SMC4: variants seen among roughly 807,000 people sequenced by gnomAD.
SMC4 encodes the protein structural maintenance of chromosomes 4.
In SMC4, 87 loss-of-function variants were observed where a neutral mutation model predicts 145.6. The ratio of observed to expected loss-of-function variants is 0.60; its 90% CI spans 0.50 to 0.71. SMC4 has a LOEUF of 0.71. SMC4 is among the 30% of genes least tolerant of loss of function. The pLI, the probability that SMC4 is intolerant of heterozygous loss-of-function variation, is 0.00. For missense variants in SMC4, 1,447 were observed against 1,537.1 expected (o/e 0.94, Z 0.98); for synonymous variants, 558 against 500.7 (o/e 1.11, Z -1.53).
chr3:160,408,751 T>C (rs1467493554), intron 5 of SMC4, among the ~76,000 whole-genome samples: 1 of 152,128 alleles, frequency 6.6e-6, no homozygotes, highest in African/African-American at 2.4e-5. Context: ...ACTGTCAATC[T>C]ACAGATTACA....
In SMC4 at chr3:160,404,474, C is replaced by T; in HGVS notation, c.657C>T (p.Asp219=). The change falls in exon 5 of 24, where the codon GAC becomes GAT. Residue 219 remains aspartate (D), a synonymous_variant. Transcript: ENST00000357388. ...VGNLLRSHGI[D]LDHNRFLILQ... ...ATCTTCTTCGAAGCCATGGAATTGA[C>T]TTGGACCATAATAGATTTTTAATTT... 6.2e-7 allele frequency: 1 copy of T among 1,608,094 alleles called. No individual in the cohort carries two copies. Among genetic ancestry groups the T allele is most frequent in the Non-Finnish European group, 8.5e-7 (1 of 1,178,278 alleles).
chr3:160,428,470 T>G (rs1718031363), intron 17 of SMC4, among the ~76,000 whole-genome samples: 1 of 152,198 alleles, frequency 6.6e-6, no homozygotes, highest in African/African-American at 2.4e-5. Context: ...GGAAGTGCCC[T>G]AAGAAAAAGT....
intron 3 of SMC4, among the ~76,000 whole-genome samples, chr3:160,402,453 G>T (rs571642527): frequency 7.9e-5 from 12 of 152,138 alleles, no homozygotes; most frequent in Non-Finnish European, 1.3e-4. Flanking sequence ...TTTCTAAAAC[G>T]TCTGCGTTAG....
chr3:160,426,008 T>A (rs917667247), intron 16 of SMC4, 66 bp from the exon 17 acceptor site: 1 of 1,299,446 alleles, frequency 7.7e-7, no homozygotes, highest in Non-Finnish European at 1.1e-6. Flanking sequence ...GTGCCCTTTT[T>A]AAAAATTCAC....
chr3:160,422,926 T>C (rs558101217), intron 13 of SMC4, among the ~76,000 whole-genome samples: 1 of 152,338 alleles, frequency 6.6e-6, no homozygotes, highest in South Asian at 2.1e-4. Context: ...TTGAATTTTC[T>C]TGGCATCCTT....
chr3:160,428,715 TA>T (rs1353490305), intron 17 of SMC4, 37 bp from the exon 18 acceptor site: 1 of 1,545,308 alleles, frequency 6.5e-7, no homozygotes, highest in African/African-American at 1.4e-5. Context: ...TTCATTAGCA[TA>T]AAAACACAAA....
Position 160,420,756 on chromosome 3 carries a change from T to C in SMC4, c.1874T>C (p.Ile625Thr). The C allele has an allele frequency of 1.2e-6, 2 of 1,613,732 alleles. No homozygotes were observed. Among genetic ancestry groups the C allele is most frequent in the Non-Finnish European group, 1.7e-6 (2 of 1,179,880 alleles). ...IYGRLGDLGA[I>T]DEKYDVAISS... ...CATTATTAGGGGGACTTAGGAGCCA[T>C]TGATGAAAAATACGACGTGGCTATA... is the stretch of plus-strand genomic sequence containing the variant. Residue 625 changes from isoleucine to threonine, a missense_variant, in exon 13 of 24, where the codon ATT becomes ACT. Transcript: ENST00000357388.
chr3:160,431,826 G>A lies in SMC4; in HGVS notation c.3297+1G>A. 1 of 1,610,954 alleles carries A rather than the reference G, an allele frequency of 6.2e-7. No individual in the cohort carries two copies. The highest frequency in any genetic ancestry group is 8.5e-7 in the Non-Finnish European group (1 of 1,179,220). The stretch of plus-strand genomic sequence containing the variant: ...TGCCATCGCAGAGTATAAAAAGAAG[G>A]TATGAATGAACTGTGTATGTATACT... On this transcript the variant is annotated splice_donor_variant, in intron 21 of 23. Coordinates refer to ENST00000357388, the MANE Select transcript of SMC4 (RefSeq NM_001002800.3). LOFTEE classifies it high-confidence loss of function.
Position 160,424,861 on chromosome 3 carries a change from T to G in SMC4, c.2326-6T>G. ...AAATGGCTCTTAGAGAAAACTTTCT[T>G]TGTAGGTAAACAAAATGGAATCACA... is the stretch of plus-strand genomic sequence containing the variant. On this transcript the variant is annotated splice_polypyrimidine_tract_variant and splice_region_variant and intron_variant, in intron 15 of 23. Coordinates refer to ENST00000357388, the MANE Select transcript of SMC4 (RefSeq NM_001002800.3). The G allele has an allele frequency of 6.2e-7, 1 of 1,613,240 alleles. No individual in the cohort carries two copies. Among genetic ancestry groups the G allele is most frequent in the Non-Finnish European group, 8.5e-7 (1 of 1,179,820 alleles).
At position 160,412,043 on chromosome 3, in the gene SMC4, T is replaced by G. The variant is rs753169851; in HGVS notation, c.811T>G (p.Cys271Gly). ...GCTAAATGAACCTATTAAAGTCTTG[T>G]GTCGGAGAGTTGAAATATTAAATGA... ...GRLNEPIKVL[C>G]RRVEILNEHR... is the part of the protein sequence containing the mutation. The change falls in exon 6 of 24, where the codon TGT becomes GGT. Residue 271 changes from cysteine to glycine, a missense_variant. Coordinates refer to ENST00000357388, the MANE Select transcript of SMC4 (RefSeq NM_001002800.3). 5 of 1,613,586 alleles carry G rather than the reference T, an allele frequency of 3.1e-6. No homozygotes were observed. Among genetic ancestry groups the G allele is most frequent in the Non-Finnish European group, 4.2e-6 (5 of 1,179,750 alleles).
chr3:160,404,067 T>G, intron 4 of SMC4: 1 of 372,314 alleles, frequency 2.7e-6, no homozygotes, highest in South Asian at 3.7e-5. Context: ...TAGGCTTGTT[T>G]GGAGGTGGGT....
chr3:160,410,284 A>G (rs1715841762), intron 5 of SMC4, among the ~76,000 whole-genome samples: 1 of 152,208 alleles, frequency 6.6e-6, no homozygotes, highest in Non-Finnish European at 1.5e-5. Context: ...TGCCCAGCAT[A>G]GCTCTCCACA....
At chr3:160,422,664 A>G (rs1383842824) in intron 13 of SMC4, among the ~76,000 whole-genome samples, 3 of 152,062 alleles carry the variant, frequency 2.0e-5, no homozygotes, top group Admixed American at 1.3e-4. Flanking sequence ...TTTGAGGCAC[A>G]ATTTATCTTT....
At chr3:160,432,617 A>C in intron 22 of SMC4, 102 bp downstream of exon 22, 1 of 749,308 alleles carries the variant, frequency 1.3e-6, no homozygotes, top group South Asian at 2.1e-5. Flanking sequence ...AAGATGTACA[A>C]CTTGTTTCAT....
chr3:160,429,286 A>G (rs1718120497), intron 18 of SMC4, among the ~76,000 whole-genome samples: 1 of 152,082 alleles, frequency 6.6e-6, no homozygotes, highest in African/African-American at 2.4e-5. Flanking sequence ...GAATAAGTAA[A>G]AGAGGTAAAA....
Position 160,404,449 on chromosome 3 carries a change from A to G in SMC4, c.632A>G (p.Asn211Ser). 6.2e-7 allele frequency: 1 copy of G among 1,611,222 alleles called. No individual in the cohort carries two copies. The highest frequency in any genetic ancestry group is 8.5e-7 in the Non-Finnish European group (1 of 1,179,100). ...AAAAAGACATTTAAGGATGTTGGAAATCTTCTTCGAAGCCATGGAATTGAC... is the reference window on the plus strand; with the variant it reads ...AAAAAGACATTTAAGGATGTTGGAAGTCTTCTTCGAAGCCATGGAATTGAC... The part of the protein sequence containing the change: ...GKKKTFKDVG[N>S]LLRSHGIDLD... Residue 211 changes from asparagine to serine, a missense_variant, in exon 5 of 24, where the codon AAT becomes AGT. Asn to Ser is a conservative substitution (Grantham distance 46). Transcript: ENST00000357388.
At chr3:160,414,338 A>T (rs753497893) in intron 8 of SMC4, 29 bp from the exon 9 acceptor site, 2 of 1,552,130 alleles carry the variant, frequency 1.3e-6, no homozygotes, top group Admixed American at 3.3e-5. Context: ...CATTCAAAAT[A>T]ATGACTTACA....
At chr3:160,432,777 A>C (rs1232640385) in intron 22 of SMC4, 2 of 524,598 alleles carry the variant, frequency 3.8e-6, no homozygotes, top group East Asian at 6.1e-5. Context: ...TGTATTTGAT[A>C]AGGAGAAAGA....
At chr3:160,409,604 A>G (rs957402466) in intron 5 of SMC4, among the ~76,000 whole-genome samples, 1 of 152,222 alleles carries the variant, frequency 6.6e-6, no homozygotes, top group African/African-American at 2.4e-5. Flanking sequence ...TGAAAAATGT[A>G]TACTTAAATA....
Sources: allele counts gnomAD v4.1 joint callset (sites outside exome capture counted in the v4.1 genomes callset), GRCh38; gene constraint gnomAD v4.1.1; transcripts MANE v1.5; gene names NCBI Gene and HGNC (gene_info 2026-07-23, HGNC 2026-07-21).